STS: variants seen among roughly 807,000 people sequenced by gnomAD.
The protein encoded by STS is steroid sulfatase.
Under a neutral mutation model 26.8 loss-of-function variants are expected in STS, and 7 were observed. That is an observed-to-expected ratio of 0.26 (90% CI 0.15 to 0.49). The LOEUF (loss-of-function observed/expected upper bound fraction) is 0.49. STS is among the 20% of genes least tolerant of loss of function. The pLI, the probability that STS is intolerant of heterozygous loss-of-function variation, is 0.98. For missense variants in STS, 434 were observed against 465.6 expected (o/e 0.93, Z 0.63); for synonymous variants, 199 against 189.4 (o/e 1.05, Z -0.42).
At chrX:7,185,730 C>T (rs1032840586) in intron 1 of STS, among the ~76,000 whole-genome samples, 1 of 112,457 alleles carries the variant, frequency 8.9e-6, no homozygotes, top group Admixed American at 9.4e-5. Flanking sequence ...TATGCTTTTT[C>T]TGTTAGCCCC....
At chrX:7,161,640 C>T (rs1469189720) in intron 1 of STS, among the ~76,000 whole-genome samples, 2 of 112,283 alleles carry the variant, frequency 1.8e-5, no homozygotes, top group African/African-American at 6.5e-5. Flanking sequence ...GCTTACTTTA[C>T]TTCTTATCAG....
chrX:7,173,390 G>T (rs1933505454), intron 1 of STS, among the ~76,000 whole-genome samples: 2 of 111,658 alleles, frequency 1.8e-5, no homozygotes, highest in African/African-American at 6.5e-5. Context: ...GAATAGTGCT[G>T]CAGTGAACAT....
At chrX:7,315,475 A>G (rs1278392266) in intron 8 of STS, among the ~76,000 whole-genome samples, 1 of 111,674 alleles carries the variant, frequency 9.0e-6, no homozygotes, top group African/African-American at 3.3e-5. Flanking sequence ...ATAGATGTCT[A>G]TATGAAAGGG....
chrX:7,309,154 A>G (rs894226140), intron 8 of STS, among the ~76,000 whole-genome samples: 2 of 111,685 alleles, frequency 1.8e-5, no homozygotes, highest in East Asian at 2.8e-4. Context: ...GGCTTCATCA[A>G]TGACAGAGTG....
chrX:7,354,466 A>T lies in STS; in HGVS notation c.*4205A>T, dbSNP rs1435806879. 3.6e-5 allele frequency: 4 copies of T among 111,561 alleles called. No homozygotes were observed. The highest frequency in any genetic ancestry group is 6.5e-5 in the African/African-American group (2 of 30,662). 9.2% of individuals were successfully genotyped at this position (111,561 alleles called of 1,213,427 possible). The stretch of plus-strand genomic sequence containing the variant: ...CATCATTCATGACAACATGAAACCT[A>T]TTGGGACAGCATGACTGTGCAGGGT... On this transcript the variant is annotated 3_prime_UTR_variant, in exon 11 of 11. Transcript: ENST00000674429.
intron 6 of STS, among the ~76,000 whole-genome samples, chrX:7,263,431 T>A (rs112718317): frequency 8.9e-6 from 1 of 112,800 alleles, no homozygotes; most frequent in Non-Finnish European, 1.9e-5. Context: ...TATGTCTAGA[T>A]AAATACTTGC....
At chrX:7,335,808 G>A (rs1290970100) in intron 10 of STS, among the ~76,000 whole-genome samples, 2 of 111,997 alleles carry the variant, frequency 1.8e-5, no homozygotes, top group African/African-American at 3.2e-5. Flanking sequence ...AAGGGATCCA[G>A]TTTCAGCTTT....
At chrX:7,309,011 A>C (rs1182019599) in intron 8 of STS, among the ~76,000 whole-genome samples, 2 of 111,868 alleles carry the variant, frequency 1.8e-5, no homozygotes, top group Non-Finnish European at 3.8e-5. Context: ...TTGCTATTTG[A>C]ACTTTTTTTT....
intron 2 of STS, among the ~76,000 whole-genome samples, chrX:7,216,410 TG>T (rs1392762664): frequency 8.9e-6 from 1 of 111,759 alleles, no homozygotes; most frequent in Non-Finnish European, 1.9e-5. Context: ...AAACAACAAA[TG>T]CAGACTTAGT....
At chrX:7,154,147 G>T (rs887746113) in intron 1 of STS, among the ~76,000 whole-genome samples, 27 of 111,831 alleles carry the variant, frequency 2.4e-4, no homozygotes, top group Non-Finnish European at 5.1e-4. Context: ...ACAAAGAGGG[G>T]TACCCACTGG....
chrX:7,340,207 T>C (rs886505565), intron 10 of STS, among the ~76,000 whole-genome samples: 12 of 111,053 alleles, frequency 1.1e-4, no homozygotes, highest in Non-Finnish European at 2.1e-4. Flanking sequence ...TACCGTTTCA[T>C]TGATTTTCTA....
chrX:7,222,984 TATAA>T (rs1921640804), intron 2 of STS, among the ~76,000 whole-genome samples: 2 of 112,165 alleles, frequency 1.8e-5, no homozygotes, highest in South Asian at 7.2e-4. Context: ...AGCACCCACT[TATAA>T]GTGACAATAT....
At chrX:7,155,351 A>G (rs891078351) in intron 1 of STS, among the ~76,000 whole-genome samples, 3 of 112,259 alleles carry the variant, frequency 2.7e-5, no homozygotes, top group Non-Finnish European at 3.7e-5. Context: ...ATCATTCAGT[A>G]AGGCTGTGGG....
intron 1 of STS, among the ~76,000 whole-genome samples, chrX:7,186,605 G>C (rs925261265): frequency 7.2e-5 from 8 of 111,699 alleles, no homozygotes; most frequent in Admixed American, 5.7e-4. Flanking sequence ...GTCCTATTGG[G>C]AAGATGCCTT....
At chrX:7,300,592 G>C (rs189002474) in intron 7 of STS, among the ~76,000 whole-genome samples, 178 of 111,549 alleles carry the variant, frequency 1.6e-3, no homozygotes, top group Middle Eastern at 4.6e-3. Context: ...GAGTAGTATG[G>C]GATCCAGACT....
At chrX:7,325,591 G>A (rs2147166681) in intron 9 of STS, 93 bp downstream of exon 9, 1 of 1,052,533 alleles carries the variant, frequency 9.5e-7, no homozygotes, top group Non-Finnish European at 1.3e-6. Flanking sequence ...GGGGACCAAG[G>A]CCTTTGGCCC....
chrX:7,229,924 G>A (rs973557757), intron 2 of STS, among the ~76,000 whole-genome samples: 1 of 110,129 alleles, frequency 9.1e-6, no homozygotes, highest in Non-Finnish European at 1.9e-5. Context: ...TGTTGCCCAG[G>A]CTGCAGTGCA....
At chrX:7,161,105 G>A (rs189760540) in intron 1 of STS, among the ~76,000 whole-genome samples, 1 of 103,696 alleles carries the variant, frequency 9.6e-6, no homozygotes, top group Non-Finnish European at 2.0e-5. Context: ...ACAGGCATGT[G>A]CCACTATGCC....
intron 6 of STS, among the ~76,000 whole-genome samples, chrX:7,272,264 A>G (rs1007892496): frequency 3.8e-5 from 4 of 105,554 alleles, no homozygotes; most frequent in African/African-American, 7.0e-5. Flanking sequence ...ACTGGCTGGT[A>G]AAGATGTGGA....
Sources: allele counts gnomAD v4.1 joint callset (sites outside exome capture counted in the v4.1 genomes callset), GRCh38; gene constraint gnomAD v4.1.1; transcripts MANE v1.5; gene names NCBI Gene and HGNC (gene_info 2026-07-23, HGNC 2026-07-21).